Variants in MYSM1 observed in about 807,000 individuals in gnomAD.
MYSM1 encodes the protein deubiquitinase MYSM1.
A neutral mutation model predicts 116.0 loss-of-function variants in MYSM1; 51 were observed. The ratio of observed to expected loss-of-function variants is 0.44; its 90% confidence interval spans 0.35 to 0.56. The LOEUF (loss-of-function observed/expected upper bound fraction) is 0.56, where lower values mean the gene tolerates loss of function less well. MYSM1 is among the 20% of genes least tolerant of loss of function. MYSM1 has a pLI of 0.00. For missense variants in MYSM1, 900 were observed against 974.9 expected, an observed-to-expected ratio of 0.92 and a Z score of 1.02; for synonymous variants, 313 against 315.2, an observed-to-expected ratio of 0.99 and a Z score of 0.07.
At chr1:58,685,857 G>A (rs957909696) in intron 6 of MYSM1, among the ~76,000 whole-genome samples, 3 of 152,174 alleles carry the variant, frequency 2.0e-5, no homozygotes, top group Non-Finnish European at 2.9e-5. Flanking sequence ...TTACTCATCA[G>A]AGTTTCTCTT....
intron 8 of MYSM1, among the ~76,000 whole-genome samples, chr1:58,678,408 A>G (rs1644686114): frequency 6.6e-6 from 1 of 152,226 alleles, no homozygotes; most frequent in Non-Finnish European, 1.5e-5. Context: ...CTCAAAGTAA[A>G]AGGCTTTAAA....
intron 3 of MYSM1, 74 bp downstream of exon 3, chr1:58,692,787 C>T: frequency 9.3e-7 from 1 of 1,077,718 alleles, no homozygotes; most frequent in Admixed American, 2.2e-5. Flanking sequence ...AAACAGTGGC[C>T]TCTTGTAAAT....
Position 58,682,624 on chromosome 1 carries a change from A to G in MYSM1, c.499-79T>C, listed in dbSNP as rs1422402131. 29 of 1,301,894 alleles carry G rather than the reference A, an allele frequency of 2.2e-5. No individual in the cohort carries two copies. The East Asian group carries it at 7.0e-4, about 32-fold the overall frequency. 80.6% of individuals were successfully genotyped at this position (1,301,894 alleles called of 1,614,324 possible). A position where few individuals can be genotyped will look rare whatever the true frequency, so the allele number is the denominator to read the frequency against. ...CACTGGTACACACAAAAAAGGATAA[A>G]TATACAGTGTTATTAAACTGAATAC... On this transcript the variant is annotated intron_variant, in intron 7 of 19. Coordinates refer to ENST00000472487, the MANE Select transcript of MYSM1 (RefSeq NM_001085487.3).
intron 1 of MYSM1, among the ~76,000 whole-genome samples, chr1:58,697,078 G>A (rs1644985775): frequency 6.6e-6 from 1 of 152,184 alleles, no homozygotes; most frequent in Non-Finnish European, 1.5e-5. Flanking sequence ...AGGACAATGT[G>A]AACAGGAAGA....
chr1:58,699,537 T>C, intron 1 of MYSM1: 2 of 797,938 alleles, frequency 2.5e-6, no homozygotes, highest in Non-Finnish European at 3.0e-6. Flanking sequence ...TCGGGAAGTT[T>C]TACAACTATC....
chr1:58,682,608 A>C, intron 7 of MYSM1, 63 bp from the exon 8 acceptor site: 1 of 1,409,226 alleles, frequency 7.1e-7, no homozygotes, highest in Non-Finnish European at 9.4e-7. Flanking sequence ...TCACTGGTAC[A>C]CACAAAAAAG....
chr1:58,664,392 C>T (rs1644437828), intron 17 of MYSM1, among the ~76,000 whole-genome samples: 1 of 152,146 alleles, frequency 6.6e-6, no homozygotes, highest in African/African-American at 2.4e-5. Flanking sequence ...TGTTGACCAC[C>T]TCCTAGATGC....
At chr1:58,692,500 C>T (rs1242443370) in intron 3 of MYSM1, 1 of 163,822 alleles carries the variant, frequency 6.1e-6, no homozygotes, top group Non-Finnish European at 1.3e-5. Flanking sequence ...TGTTCCAACT[C>T]TGTGCCCTTG....
intron 15 of MYSM1, 42 bp downstream of exon 15, chr1:58,667,805 G>A (rs1644496895): frequency 8.7e-7 from 1 of 1,148,302 alleles, no homozygotes; most frequent in African/African-American, 1.5e-5. Flanking sequence ...TATGGTAGTA[G>A]GACTAAATAA....
chr1:58,690,130 G>T, intron 5 of MYSM1, 96 bp downstream of exon 5: 2 of 967,908 alleles, frequency 2.1e-6, no homozygotes, highest in Admixed American at 3.2e-5. Context: ...AAGGTCAAGA[G>T]GGCTTTTCCA....
intron 7 of MYSM1, among the ~76,000 whole-genome samples, chr1:58,684,150 C>G (rs1286983403): frequency 6.6e-6 from 1 of 152,050 alleles, no homozygotes; most frequent in Non-Finnish European, 1.5e-5. Context: ...CTAGACAACA[C>G]CGAAACAAAT....
chr1:58,696,317 C>G (rs1413069252), intron 1 of MYSM1, among the ~76,000 whole-genome samples: 1 of 152,222 alleles, frequency 6.6e-6, no homozygotes, highest in Non-Finnish European at 1.5e-5. Context: ...TAAGAAGAAT[C>G]AGCAACACTC....
intron 1 of MYSM1, 82 bp from the exon 2 acceptor site, chr1:58,695,289 G>T: frequency 2.4e-6 from 2 of 833,178 alleles, no homozygotes; most frequent in Non-Finnish European, 3.9e-6. Flanking sequence ...GAATCCAGCA[G>T]GTAGTAAGGG....
At position 58,661,432 on chromosome 1, in the gene MYSM1, T is replaced by C. The variant is rs769356589; in HGVS notation, c.2244A>G (p.Ile748Met). 1 of 1,598,962 alleles carries C rather than the reference T, an allele frequency of 6.3e-7. No homozygotes were observed. Among genetic ancestry groups the C allele is most frequent in the Non-Finnish European group, 8.6e-7 (1 of 1,166,594 alleles). Reference protein sequence around the residue: ...WGLVFEKTRWIIEKYRLSHSS... With the variant: ...WGLVFEKTRWMIEKYRLSHSS... ...TATGGGAGAGCCTGTATTTTTCTAT[T>C]ATCCATCTTGTCTTTTCAAATACTA... Residue 748 changes from isoleucine (I) to methionine (M), a missense_variant, in exon 18 of 20, where the codon ATA becomes ATG. Ile to Met is a conservative substitution (Grantham distance 10). This residue lies in a region of MYSM1 where 186 missense variants were observed against 196.2 expected (regional missense o/e 0.95). Transcript: ENST00000472487.
chr1:58,681,721 C>T lies in MYSM1; in HGVS notation c.1259+64G>A, dbSNP rs553617786. The T allele has an allele frequency of 1.4e-3, 1,972 of 1,426,550 alleles. 1 individual carries two copies. The highest frequency in any genetic ancestry group is 2.2e-3 in the South Asian group (153 of 68,154). The allele number at this position is 1,426,550 out of a possible 1,614,324, so 88.4% of individuals were successfully genotyped here. On this transcript the variant is annotated intron_variant, in intron 8 of 19. Coordinates refer to ENST00000472487, the MANE Select transcript of MYSM1 (RefSeq NM_001085487.3). Reference sequence around the variant, plus strand: ...AGCAAAATTCTAAATTCTGTATAGGCCTAATTAAAATACTTCAGAATATCA... The same window carrying T: ...AGCAAAATTCTAAATTCTGTATAGGTCTAATTAAAATACTTCAGAATATCA...
At chr1:58,679,634 T>C (rs1174557810) in intron 8 of MYSM1, among the ~76,000 whole-genome samples, 1 of 152,090 alleles carries the variant, frequency 6.6e-6, no homozygotes, top group African/African-American at 2.4e-5. Context: ...TTTAAAAAAA[T>C]TTTTTGTAGG....
rs1644485039 is a variant in MYSM1 at position 58,667,046 on chromosome 1, T to C, written c.2023A>G (p.Lys675Glu). The C allele has an allele frequency of 6.2e-7, 1 of 1,606,282 alleles. No individual in the cohort carries two copies. The highest frequency in any genetic ancestry group is 8.5e-7 in the Non-Finnish European group (1 of 1,174,452). ...AAATATACATGTAATACCTGGTATT[T>C]AGCTTGTGTGTCAATATCTCGTAAG... ...PSLRDIDTQA[K>E]YQSYFSRGGA... is the part of the protein sequence containing the mutation. The change falls in exon 16 of 20, where the codon AAA becomes GAA. Residue 675 changes from lysine to glutamate, a missense_variant. This residue lies in a region of MYSM1 where 186 missense variants were observed against 196.2 expected (regional missense o/e 0.95). Transcript: ENST00000472487.
intron 8 of MYSM1, among the ~76,000 whole-genome samples, chr1:58,680,824 ATTTTT>A (rs11460082): frequency 6.9e-6 from 1 of 145,766 alleles, no homozygotes. Flanking sequence ...TTTAAAAATA[ATTTTT>A]TTTTTTTTTT....
At position 58,655,353 on chromosome 1, in the gene MYSM1, C is replaced by T. The variant is rs1055050525; in HGVS notation, c.*4644G>A. On this transcript the variant is annotated 3_prime_UTR_variant, in exon 20 of 20. Transcript: ENST00000472487. The stretch of plus-strand genomic sequence containing the variant: ...CCTGAAATTAAAGTTCTTATGAATA[C>T]CTTCATAAACACCAAAGGAAGAAAA... The T allele has an allele frequency of 5.9e-5, 9 of 152,040 alleles. No individual in the cohort carries two copies. Among genetic ancestry groups the T allele is most frequent in the Non-Finnish European group, 1.3e-4 (9 of 67,974 alleles). 9.4% of individuals were successfully genotyped at this position (152,040 alleles called of 1,614,324 possible).
Sources: allele counts gnomAD v4.1 joint callset (sites outside exome capture counted in the v4.1 genomes callset), GRCh38; gene constraint gnomAD v4.1.1; regional missense constraint gnomAD v4.1.1; transcripts MANE v1.5; gene names NCBI Gene and HGNC (gene_info 2026-07-23, HGNC 2026-07-21).